Variants in ATXN8OS observed in about 807,000 individuals in gnomAD.
ATXN8OS encodes ATXN8 opposite strand (non-protein coding).
intron 4 of ATXN8OS, among the ~76,000 whole-genome samples, chr13:70,159,463 AAT>A (rs1447931606): frequency 6.6e-6 from 1 of 152,100 alleles, no homozygotes; most frequent in Non-Finnish European, 1.5e-5. Context: ...TTGTCTATTG[AAT>A]ATGATATTCT....
At chr13:70,123,188 T>G (rs1478965146) in intron 2 of ATXN8OS, among the ~76,000 whole-genome samples, 1 of 152,018 alleles carries the variant, frequency 6.6e-6, no homozygotes, top group Non-Finnish European at 1.5e-5. Context: ...AGATAGAAAA[T>G]ATTACTGAAG....
intron 4 of ATXN8OS, among the ~76,000 whole-genome samples, chr13:70,148,509 T>C (rs1229792159): frequency 6.6e-6 from 1 of 152,122 alleles, no homozygotes; most frequent in African/African-American, 2.4e-5. Flanking sequence ...TGAATTAATT[T>C]TTCAGGTTTC....
chr13:70,148,306 TA>T (rs1252366324), intron 4 of ATXN8OS, among the ~76,000 whole-genome samples: 3 of 152,210 alleles, frequency 2.0e-5, no homozygotes, highest in Non-Finnish European at 4.4e-5. Flanking sequence ...CACTTTGTTG[TA>T]AAATACTTTG....
At chr13:70,131,331 T>A in intron 3 of ATXN8OS, 1 of 398,478 alleles carries the variant, frequency 2.5e-6, no homozygotes, top group East Asian at 3.6e-5. Context: ...AATTTTTCCA[T>A]AAATCAGTTT....
intron 4 of ATXN8OS, among the ~76,000 whole-genome samples, chr13:70,158,443 A>G (rs1361685394): frequency 2.6e-5 from 4 of 152,150 alleles, no homozygotes; most frequent in Admixed American, 2.0e-4. Context: ...AACAGAAATA[A>G]CAAGAGCAGA....
intron 1 of ATXN8OS, chr13:70,115,053 T>C (rs1169274198): frequency 2.5e-6 from 1 of 394,808 alleles, no homozygotes; most frequent in Non-Finnish European, 4.5e-6. Context: ...TGTGTGCATG[T>C]GTGGGTGTGT....
chr13:70,165,335 C>T (rs1889065404), intron 4 of ATXN8OS, among the ~76,000 whole-genome samples: 1 of 151,706 alleles, frequency 6.6e-6, no homozygotes, highest in East Asian at 1.9e-4. Context: ...ATGAAAGAGA[C>T]AAGAGCATAT....
At chr13:70,111,704 T>C (rs1284507160) in intron 1 of ATXN8OS, among the ~76,000 whole-genome samples, 1 of 152,158 alleles carries the variant, frequency 6.6e-6, no homozygotes, top group East Asian at 1.9e-4. Context: ...AGTGACTATT[T>C]TCTAAACAAG....
chr13:70,152,437 ATGTG>A (rs768442796), intron 4 of ATXN8OS, among the ~76,000 whole-genome samples: 10 of 151,914 alleles, frequency 6.6e-5, no homozygotes, highest in African/African-American at 2.4e-4. Flanking sequence ...ATGTACATAT[ATGTG>A]TATGTATGTG....
Position 70,170,157 on chromosome 13 carries a change from A to G in ATXN8OS, n.978A>G. ...ATTCAGAGCTATCACATGCTTGCCT[A>G]GATTAACAGAATATTTTGTTTTTCC... is the stretch of plus-strand genomic sequence containing the variant. On this transcript the variant is annotated non_coding_transcript_exon_variant, in exon 5 of 5. Transcript: ENST00000678624. 1.3e-5 allele frequency among the ~76,000 whole-genome samples: 2 copies of G among 152,118 alleles called. 1 individual carries two copies. Among genetic ancestry groups the G allele is most frequent in the Non-Finnish European group, 2.9e-5 (2 of 67,996 alleles).
chr13:70,127,966 T>C (rs955724768), intron 2 of ATXN8OS, among the ~76,000 whole-genome samples: 1 of 152,074 alleles, frequency 6.6e-6, no homozygotes, highest in Non-Finnish European at 1.5e-5. Flanking sequence ...TTTAAGGTAC[T>C]TTCATTTTAT....
chr13:70,132,697 A>C lies in ATXN8OS; in HGVS notation n.499+2813A>C, dbSNP rs114903133. Among the ~76,000 whole-genome samples the C allele has an allele frequency of 7.1e-3, 1,084 of 152,300 alleles. 11 individuals carry two copies. Among genetic ancestry groups the C allele is most frequent in the African/African-American group, 0.025 (1,035 of 41,554 alleles). ...AGATTAGCTCTATGAAGATAACATG[A>C]ACCCTAAATTGTGTGATTGAGAGAA... On this transcript the variant is annotated intron_variant and non_coding_transcript_variant, in intron 3 of 4. Coordinates refer to ENST00000678624, the Ensembl canonical transcript of ATXN8OS.
intron 4 of ATXN8OS, among the ~76,000 whole-genome samples, chr13:70,149,252 C>T (rs1018134666): frequency 1.3e-5 from 2 of 151,984 alleles, no homozygotes; most frequent in Non-Finnish European, 2.9e-5. Flanking sequence ...ATTACTCGTG[C>T]ACTTCAAAAA....
intron 2 of ATXN8OS, among the ~76,000 whole-genome samples, chr13:70,129,136 A>G (rs908962510): frequency 1.3e-5 from 2 of 152,202 alleles, no homozygotes; most frequent in Non-Finnish European, 2.9e-5. Context: ...CTGGGAGTAC[A>G]GGCGTGAGCC....
At chr13:70,135,882 A>C (rs1033447455) in intron 3 of ATXN8OS, among the ~76,000 whole-genome samples, 4 of 152,238 alleles carry the variant, frequency 2.6e-5, no homozygotes, top group African/African-American at 9.6e-5. Context: ...GATGATTTTC[A>C]AATATGGCAT....
At chr13:70,165,483 A>T (rs765044446) in intron 4 of ATXN8OS, among the ~76,000 whole-genome samples, 66 of 152,146 alleles carry the variant, frequency 4.3e-4, no homozygotes, top group African/African-American at 1.5e-3. Flanking sequence ...TTCAATAAAA[A>T]CTTGAATGTA....
Position 70,148,029 on chromosome 13 carries a change from T to C in ATXN8OS, n.573+601T>C, listed in dbSNP as rs541292908. Among the ~76,000 whole-genome samples, 241 of 152,156 alleles carry C rather than the reference T, an allele frequency of 1.6e-3. 1 individual carries two copies. Among genetic ancestry groups the C allele is most frequent in the Non-Finnish European group, 2.5e-3 (167 of 68,000 alleles). On this transcript the variant is annotated intron_variant and non_coding_transcript_variant, in intron 4 of 4. Transcript: ENST00000678624. ...AAGGAGTTAAGCTCTGTCTGAAGAG[T>C]TGAAGTCAGCTTGAGTTAAGGTAAG...
intron 4 of ATXN8OS, among the ~76,000 whole-genome samples, chr13:70,168,581 C>T (rs1889106543): frequency 6.9e-6 from 1 of 145,186 alleles, no homozygotes. Context: ...TACTCTCTAT[C>T]TCTGTGACAT....
At chr13:70,125,056 C>T (rs755749547) in intron 2 of ATXN8OS, among the ~76,000 whole-genome samples, 9 of 151,572 alleles carry the variant, frequency 5.9e-5, no homozygotes, top group Non-Finnish European at 8.8e-5. Flanking sequence ...CCCTCCTCTT[C>T]GAATATCAAT....
Sources: gnomAD v4.1 joint callset for allele counts (sites outside exome capture counted in the v4.1 genomes callset) on GRCh38, gnomAD v4.1.1 for gene constraint, MANE v1.5 for transcripts, NCBI Gene and HGNC (gene_info 2026-07-23, HGNC 2026-07-21) for gene names.